BLTP1: variants seen among roughly 807,000 people sequenced by gnomAD.
The protein encoded by BLTP1 is fragile site-associated protein.
At chr4:122,271,035 T>C in the BLTP1 span, 14 of 1,602,026 alleles carry the variant, frequency 8.7e-6, no homozygotes, top group East Asian at 3.1e-4. Context: ...CATGTGAATC[T>C]TCCTCCACTT....
At chr4:122,359,754 G>GTATATA in the BLTP1 span, 7 of 1,562,948 alleles carry the variant, frequency 4.5e-6, no homozygotes, top group Non-Finnish European at 6.0e-6. Flanking sequence ...TTACCCATAT[G>GTATATA]CTAAGGGATT....
At chr4:122,335,174 CT>C in the BLTP1 span, among the ~76,000 whole-genome samples, 1 of 152,002 alleles carries the variant, frequency 6.6e-6, no homozygotes, top group South Asian at 2.1e-4. Context: ...CTCTACTGGG[CT>C]TCTTGAGTGT....
At chr4:122,276,149 T>C in the BLTP1 span, 1 of 759,674 alleles carries the variant, frequency 1.3e-6, no homozygotes, top group Non-Finnish European at 1.9e-6. Context: ...ATATAGGCCC[T>C]TTTATATAAT....
chr4:122,198,119 G>A, the BLTP1 span: 2 of 985,106 alleles, frequency 2.0e-6, no homozygotes, highest in African/African-American at 3.5e-5. Flanking sequence ...GGTTGACTAC[G>A]TTCATTAGTT....
chr4:122,196,191 T>G, the BLTP1 span, among the ~76,000 whole-genome samples: 1 of 152,196 alleles, frequency 6.6e-6, no homozygotes, highest in Non-Finnish European at 1.5e-5. Flanking sequence ...GCTAAGTGTT[T>G]TCCATGTGTC....
the BLTP1 span, among the ~76,000 whole-genome samples, chr4:122,330,349 T>C: frequency 4.0e-5 from 6 of 151,888 alleles, no homozygotes; most frequent in African/African-American, 9.7e-5. Flanking sequence ...TACCAAAATA[T>C]GCAAGGATTC....
At chr4:122,356,124 T>C in the BLTP1 span, 1 of 655,188 alleles carries the variant, frequency 1.5e-6, no homozygotes, top group South Asian at 2.6e-5. Context: ...ATTTATTTTC[T>C]TATCAGCTAT....
the BLTP1 span, among the ~76,000 whole-genome samples, chr4:122,252,060 C>A: frequency 6.6e-6 from 1 of 152,152 alleles, no homozygotes; most frequent in East Asian, 1.9e-4. Flanking sequence ...CAGAAGGGAA[C>A]CCACTGCATT....
At chr4:122,170,765 C>T in the BLTP1 span, 4 of 1,549,412 alleles carry the variant, frequency 2.6e-6, no homozygotes, top group South Asian at 2.4e-5. Flanking sequence ...TATTTTTCTT[C>T]TATTTTATTG....
the BLTP1 span, chr4:122,251,628 T>TA: frequency 2.1e-5 from 21 of 984,074 alleles, no homozygotes; most frequent in Admixed American, 6.2e-5. Flanking sequence ...CTTCACCTAC[T>TA]AAAATACTTG....
chr4:122,235,036 T>C, the BLTP1 span: 2 of 1,586,418 alleles, frequency 1.3e-6, no homozygotes, highest in Non-Finnish European at 1.7e-6. Context: ...AATAAAATGT[T>C]TCGTCACTTG....
At chr4:122,191,408 A>T in the BLTP1 span, among the ~76,000 whole-genome samples, 1 of 152,290 alleles carries the variant, frequency 6.6e-6, no homozygotes, top group African/African-American at 2.4e-5. Flanking sequence ...CCAATAGTTA[A>T]CATCTTTTAT....
chr4:122,192,184 G>A, the BLTP1 span: 1 of 1,588,400 alleles, frequency 6.3e-7, no homozygotes, highest in South Asian at 1.1e-5. Flanking sequence ...CTTTTTAATG[G>A]CCATTTTAAA....
chr4:122,275,139 G>C, the BLTP1 span, among the ~76,000 whole-genome samples: 2 of 152,026 alleles, frequency 1.3e-5, no homozygotes, highest in African/African-American at 4.8e-5. Context: ...AGGAAATTCC[G>C]GTGGTTGTGA....
chr4:122,260,655 C>T, the BLTP1 span, among the ~76,000 whole-genome samples: 1 of 151,490 alleles, frequency 6.6e-6, no homozygotes, highest in African/African-American at 2.4e-5. Flanking sequence ...CTTTGAATAA[C>T]AATGTGGCAA....
chr4:122,188,787 A>G, the BLTP1 span: 1 of 194,396 alleles, frequency 5.1e-6, no homozygotes, highest in African/African-American at 2.4e-5. Flanking sequence ...AAGTGTTCAT[A>G]TGGAGAGTTT....
the BLTP1 span, chr4:122,334,324 G>T: frequency 7.4e-6 from 11 of 1,488,352 alleles, no homozygotes; most frequent in Middle Eastern, 1.7e-4. Context: ...AATTTTAAAA[G>T]TTTATTTATT....
the BLTP1 span, among the ~76,000 whole-genome samples, chr4:122,358,755 G>A: frequency 2.6e-5 from 4 of 152,004 alleles, no homozygotes; most frequent in Non-Finnish European, 5.9e-5. Context: ...ATTATTTCAC[G>A]TCCAGTTTGT....
the BLTP1 span, chr4:122,208,085 G>T: frequency 1.0e-6 from 1 of 984,724 alleles, no homozygotes; most frequent in Non-Finnish European, 1.2e-6. Flanking sequence ...TTTTGGTATG[G>T]ATAACCAGTA....
Sources: gnomAD v4.1 joint callset for allele counts (sites outside exome capture counted in the v4.1 genomes callset) on GRCh38, gnomAD v4.1.1 for gene constraint, MANE v1.5 for transcripts, NCBI Gene and HGNC (gene_info 2026-07-23, HGNC 2026-07-21) for gene names.